The following CCDC83 variants were observed in gnomAD, a reference collection of about 807,000 sequenced individuals.
The protein encoded by CCDC83 is coiled-coil domain containing 83, also known as coiled-coil domain-containing protein 83.
CCDC83 carries 54 observed loss-of-function variants against 50.1 expected under a neutral mutation model. That is an observed-to-expected ratio of 1.08 (90% CI 0.87 to 1.35). CCDC83 has a LOEUF of 1.35. Among genes scored for constraint, CCDC83 ranks in the 40% most tolerant of loss-of-function variants. CCDC83 has a pLI of 0.00. For synonymous variants in CCDC83, 161 were observed against 153.3 expected, an observed-to-expected ratio of 1.05 and a Z score of -0.37; for missense variants, 518 against 473.9, an observed-to-expected ratio of 1.09 and a Z score of -0.86.
chr11:85,903,877 G>A (rs1363081246), intron 7 of CCDC83, among the ~76,000 whole-genome samples: 1 of 152,018 alleles, frequency 6.6e-6, no homozygotes, highest in African/African-American at 2.4e-5. Context: ...TGAGGCAGCA[G>A]GATCACTTGA....
At chr11:85,894,392 C>CATATAACACAGAAGTA (rs1252211571) in intron 5 of CCDC83, among the ~76,000 whole-genome samples, 2 of 152,122 alleles carry the variant, frequency 1.3e-5, no homozygotes, top group Non-Finnish European at 2.9e-5. Flanking sequence ...CTAATGGGAA[C>CATATAACACAGAAGTA]ATATAACACA....
At chr11:85,875,790 A>T (rs547828414) in intron 3 of CCDC83, among the ~76,000 whole-genome samples, 1 of 152,302 alleles carries the variant, frequency 6.6e-6, no homozygotes, top group East Asian at 1.9e-4. Context: ...CTTCTTTCCT[A>T]CACATCATCT....
chr11:85,897,968 C>T (rs2093382823), intron 6 of CCDC83, among the ~76,000 whole-genome samples: 1 of 152,064 alleles, frequency 6.6e-6, no homozygotes, highest in African/African-American at 2.4e-5. Flanking sequence ...ACCAGCCTGG[C>T]CAACATGGTG....
intron 6 of CCDC83, among the ~76,000 whole-genome samples, chr11:85,898,541 C>G (rs2093385854): frequency 6.6e-6 from 1 of 152,164 alleles, no homozygotes; most frequent in Non-Finnish European, 1.5e-5. Context: ...CATGCAAAAT[C>G]TTTTCAAATT....
intron 8 of CCDC83, among the ~76,000 whole-genome samples, chr11:85,912,903 A>G (rs2093461583): frequency 6.6e-6 from 1 of 152,248 alleles, no homozygotes; most frequent in Non-Finnish European, 1.5e-5. Flanking sequence ...ACATGGTTGT[A>G]AAGTGCTAAT....
intron 7 of CCDC83, among the ~76,000 whole-genome samples, chr11:85,906,349 G>A (rs534724179): frequency 1.3e-5 from 2 of 152,190 alleles, no homozygotes; most frequent in South Asian, 2.1e-4. Context: ...TTACAGAAGT[G>A]AGCCACCTTG....
In CCDC83 at chr11:85,888,764, A is replaced by G. The variant is rs1390449832; in HGVS notation, c.511+2397A>G. On this transcript the variant is annotated intron_variant, in intron 5 of 10. Transcript: ENST00000342404. ...GTGATCCAACTTTATTTTTTTACCA[A>G]ATGGTTTTCCAGTTGTTCCAACATC... is the stretch of plus-strand genomic sequence containing the variant. Among the ~76,000 whole-genome samples, 4 of 152,026 alleles carry G rather than the reference A, an allele frequency of 2.6e-5. No homozygotes were observed. In the East Asian group the frequency reaches 5.8e-4, roughly 22 times the overall value.
At chr11:85,917,162 G>T (rs866840767) in intron 10 of CCDC83, among the ~76,000 whole-genome samples, 1 of 65,818 alleles carries the variant, frequency 1.5e-5, no homozygotes, top group African/African-American at 5.4e-5. Context: ...GAGAGAGAGA[G>T]AGAGAGAAAG....
chr11:85,864,664 A>G (rs566626909), intron 1 of CCDC83, among the ~76,000 whole-genome samples: 1 of 152,266 alleles, frequency 6.6e-6, no homozygotes, highest in Non-Finnish European at 1.5e-5. Context: ...AGTCTTTTGG[A>G]TCCTAGCTTC....
At chr11:85,865,355 C>T in intron 2 of CCDC83, 137 bp downstream of exon 2, 1 of 635,144 alleles carries the variant, frequency 1.6e-6, no homozygotes, top group Non-Finnish European at 2.8e-6. Flanking sequence ...CCTAATTGCA[C>T]TCTTGTGCTA....
intron 6 of CCDC83, among the ~76,000 whole-genome samples, chr11:85,898,068 G>T (rs1163624759): frequency 6.6e-6 from 1 of 150,884 alleles, no homozygotes; most frequent in African/African-American, 2.4e-5. Flanking sequence ...TGAGACAGAA[G>T]AATCTCTTGA....
At chr11:85,894,970 T>C (rs2093365950) in intron 5 of CCDC83, among the ~76,000 whole-genome samples, 2 of 152,216 alleles carry the variant, frequency 1.3e-5, no homozygotes, top group Admixed American at 6.5e-5. Context: ...GAGAATCCTG[T>C]GCTTCATTTC....
At chr11:85,907,369 A>T (rs921759048) in intron 7 of CCDC83, among the ~76,000 whole-genome samples, 1 of 152,210 alleles carries the variant, frequency 6.6e-6, no homozygotes, top group Non-Finnish European at 1.5e-5. Context: ...GGAATTTCCA[A>T]ATGATTGAGA....
chr11:85,895,285 TTTTA>T lies in CCDC83; in HGVS notation c.512-7_512-4del, dbSNP rs1323453025. ...TTTTCTTTTTTTTTTTTTTTTTTTT[TTTTA>T]AAGAACACTATAAAATCACTCTGGA... On this transcript the variant is annotated splice_region_variant and splice_polypyrimidine_tract_variant and intron_variant, in intron 5 of 10. Transcript: ENST00000342404. 3.1e-5 allele frequency: 30 copies of T among 955,282 alleles called. No homozygotes were observed. In the East Asian group the frequency reaches 5.5e-4, roughly 18 times the overall value. The allele number at this position is 955,282 out of a possible 1,614,324, so 59.2% of individuals were successfully genotyped here.
intron 1 of CCDC83, among the ~76,000 whole-genome samples, chr11:85,857,886 GACA>G (rs1444945811): frequency 3.3e-5 from 5 of 152,220 alleles, no homozygotes; most frequent in African/African-American, 7.2e-5. Context: ...CTGTCAGGAG[GACA>G]ACATCTTTGT....
chr11:85,902,085 T>C (rs894344043), intron 7 of CCDC83, among the ~76,000 whole-genome samples: 13 of 139,684 alleles, frequency 9.3e-5, no homozygotes, highest in East Asian at 2.1e-4. Context: ...AATGAAATAA[T>C]AGAAGAAAAT....
intron 8 of CCDC83, chr11:85,912,842 C>A (rs1374123238): frequency 2.6e-6 from 2 of 761,800 alleles, no homozygotes; most frequent in Non-Finnish European, 4.8e-6. Context: ...AACTGCCAGA[C>A]CCGTGTCTCT....
chr11:85,905,847 T>G (rs1222252705), intron 7 of CCDC83, among the ~76,000 whole-genome samples: 1 of 149,820 alleles, frequency 6.7e-6, no homozygotes, highest in Non-Finnish European at 1.5e-5. Flanking sequence ...CGGGCTCCTG[T>G]AGTCCCAGCT....
intron 5 of CCDC83, 29 bp from the exon 6 acceptor site, chr11:85,895,264 C>CT (rs10594256): frequency 0.014 from 5,188 of 360,028 alleles, 11 homozygotes; most frequent in South Asian, 0.021. Flanking sequence ...TTTTAATTTT[C>CT]TTTTTTTTTT....
Sources: allele counts gnomAD v4.1 joint callset (sites outside exome capture counted in the v4.1 genomes callset), GRCh38; gene constraint gnomAD v4.1.1; transcripts MANE v1.5; gene names NCBI Gene and HGNC (gene_info 2026-07-23, HGNC 2026-07-21).